ZNF18: variants seen among roughly 807,000 people sequenced by gnomAD.
ZNF18 encodes the protein zinc finger protein 18.
ZNF18 carries 42 observed loss-of-function variants against 58.1 expected under a neutral mutation model. That is an observed-to-expected ratio of 0.72 (90% confidence interval 0.56 to 0.93). The LOEUF (loss-of-function observed/expected upper bound fraction) is 0.93, where lower values mean the gene tolerates loss of function less well. Ranked by LOEUF, ZNF18 falls within the 40% of genes least tolerant of loss-of-function variation. The pLI, the probability that ZNF18 is intolerant of heterozygous loss-of-function variation, is 0.00. For synonymous variants in ZNF18, 231 were observed against 239.8 expected, an observed-to-expected ratio of 0.96 and a Z score of 0.34; for missense variants, 540 against 644.2, an observed-to-expected ratio of 0.84 and a Z score of 1.75.
chr17:12,010,509 G>A, the ZNF18 span, among the ~76,000 whole-genome samples: 2 of 151,746 alleles, frequency 1.3e-5, no homozygotes, highest in Non-Finnish European at 2.9e-5. Flanking sequence ...TCTGTCTCCC[G>A]GGTTCAAGAG....
Position 11,992,466 on chromosome 17 carries a change from C to A in ZNF18, c.364G>T (p.Asp122Tyr). 6.2e-7 allele frequency: 1 copy of A among 1,614,040 alleles called. No individual in the cohort carries two copies. Among genetic ancestry groups the A allele is most frequent in the Non-Finnish European group, 8.5e-7 (1 of 1,179,958 alleles). Residue 122 changes from aspartate to tyrosine, a missense_variant, in exon 2 of 7, where the codon GAC (aspartate) becomes TAC (tyrosine). By Grantham distance (160) the Asp-to-Tyr change is radical. Transcript: ENST00000580306. ...AVTLVESLKGDPQRLWQWISI... is the reference protein window; with the variant it reads ...AVTLVESLKGYPQRLWQWISI... ...ACCCATTGCCACAGTCTCTGGGGGT[C>A]CCCCTTCAAGCTTTCCACAAGGGTC...
the ZNF18 span, among the ~76,000 whole-genome samples, chr17:12,014,817 G>A: frequency 3.6e-4 from 55 of 152,174 alleles, no homozygotes; most frequent in African/African-American, 1.2e-3. Context: ...TTGGGAGGCC[G>A]AGGCAGGCGG....
chr17:11,997,617 A>G (rs9898037), upstream of ZNF18: 150,458 of 152,360 alleles, frequency 0.99, 74,306 homozygotes, highest in East Asian at 1. Context: ...AGGAGCCTCC[A>G]CCGACATGGC....
chr17:11,995,784 G>T (rs1968437301), intron 1 of ZNF18: 1 of 151,788 alleles, frequency 6.6e-6, no homozygotes, highest in Non-Finnish European at 1.5e-5. Context: ...AAGAACTGCA[G>T]AGTATACATT....
chr17:11,990,905 A>T (rs1039275961), intron 3 of ZNF18, 69 bp downstream of exon 3: 23 of 1,507,390 alleles, frequency 1.5e-5, no homozygotes, highest in Non-Finnish European at 5.4e-6. Context: ...TACCATTTCA[A>T]CTCACTTAGG....
chr17:12,009,633 G>T, the ZNF18 span, among the ~76,000 whole-genome samples: 1 of 151,534 alleles, frequency 6.6e-6, no homozygotes, highest in Admixed American at 6.6e-5. Flanking sequence ...TTGTATTCTT[G>T]GTAGAGACAA....
Position 11,978,268 on chromosome 17 carries a change from G to T in ZNF18, c.1339C>A (p.Arg447=). Residue 447 remains arginine, a synonymous_variant, in exon 7 of 7, where the codon CGG becomes AGG. Coordinates refer to ENST00000580306, the MANE Select transcript of ZNF18 (RefSeq NM_001303281.2). ...QCTICKKAFL[R]SSDFVKHQRT... The stretch of plus-strand genomic sequence containing the variant: ...TGATGCTTCACAAAGTCTGAACTCC[G>T]CAGAAAGGCTTTTTTGCAGATGGTG... The T allele has an allele frequency of 6.2e-7, 1 of 1,609,038 alleles. No individual in the cohort carries two copies. Among genetic ancestry groups the T allele is most frequent in the Non-Finnish European group, 8.5e-7 (1 of 1,178,216 alleles).
At chr17:11,983,147 A>C in intron 6 of ZNF18, 150 bp downstream of exon 6, 1 of 581,410 alleles carries the variant, frequency 1.7e-6, no homozygotes, top group Non-Finnish European at 3.1e-6. Context: ...CAATCTCAAT[A>C]GTTAAATCAA....
At position 11,984,463 on chromosome 17, in the gene ZNF18, G is replaced by A. The variant is rs57343002; in HGVS notation, c.667-266C>T. ...ACCTCTTCAGGTGAATTATTTAAAA[G>A]TGGAGAACGTATAGAGGGCAGGAGC... On this transcript the variant is annotated intron_variant, in intron 4 of 6. Transcript: ENST00000580306. Among the ~76,000 whole-genome samples, 1,019 of 151,838 alleles carry A rather than the reference G, an allele frequency of 6.7e-3. 11 individuals are homozygous for A. Among genetic ancestry groups the A allele is most frequent in the East Asian group, 0.045 (233 of 5,164 alleles).
chr17:12,001,688 G>C (rs916462281), upstream of ZNF18, among the ~76,000 whole-genome samples: 7 of 152,138 alleles, frequency 4.6e-5, no homozygotes, highest in African/African-American at 1.4e-4. Context: ...TAAAAGAGTA[G>C]ATCTTAAATG....
the ZNF18 span, among the ~76,000 whole-genome samples, chr17:12,011,449 G>A: frequency 1.7e-4 from 26 of 151,760 alleles, no homozygotes; most frequent in Admixed American, 5.9e-4. Context: ...GCAGTGGTGC[G>A]ATCTCAGCTC....
At chr17:12,010,042 G>A in the ZNF18 span, among the ~76,000 whole-genome samples, 2 of 152,070 alleles carry the variant, frequency 1.3e-5, no homozygotes, top group East Asian at 1.9e-4. Flanking sequence ...CAAAACAGGG[G>A]TGAAAGCTTT....
chr17:11,986,175 G>A (rs769886785), intron 4 of ZNF18, among the ~76,000 whole-genome samples: 3 of 152,310 alleles, frequency 2.0e-5, no homozygotes, highest in East Asian at 1.9e-4. Flanking sequence ...TTTGCCTGCC[G>A]CCATCCTTGA....
upstream of ZNF18, among the ~76,000 whole-genome samples, chr17:11,999,724 A>G (rs1968624244): frequency 6.6e-6 from 1 of 152,224 alleles, no homozygotes; most frequent in South Asian, 2.1e-4. Context: ...AAATAAGTGC[A>G]CAAGTGGTAA....
At chr17:11,997,017 C>G (rs1968511045) in intron 1 of ZNF18, 1 of 152,318 alleles carries the variant, frequency 6.6e-6, no homozygotes, top group East Asian at 1.9e-4. Flanking sequence ...CTCCACCATG[C>G]GCCCCCCAAA....
chr17:12,005,619 A>T, the ZNF18 span, among the ~76,000 whole-genome samples: 1 of 152,280 alleles, frequency 6.6e-6, no homozygotes, highest in East Asian at 1.9e-4. Flanking sequence ...AACCATTATA[A>T]CTAAGTGTCA....
In ZNF18 at chr17:11,978,435, C is replaced by T. The variant is rs199778478; in HGVS notation, c.1172G>A (p.Arg391Lys). The T allele has an allele frequency of 9.6e-6, 15 of 1,556,336 alleles. No homozygotes were observed. Among genetic ancestry groups the T allele is most frequent in the Non-Finnish European group, 1.3e-5 (15 of 1,154,422 alleles). Residue 391 changes from arginine (R) to lysine (K), a missense_variant, in exon 7 of 7, where the codon AGA (arginine) becomes AAA (lysine). By Grantham distance (26) the Arg-to-Lys change is conservative (BLOSUM62 2). Coordinates refer to ENST00000580306, the MANE Select transcript of ZNF18 (RefSeq NM_001303281.2). ...EMSTMWLEEK[R>K]ETSQKGQPRA... ...TGGCTGCCCCTTCTGGGAGGTCTCT[C>T]TCTTCTCCTCAAGCCACATGGTGGA...
rs781530277 is a variant in ZNF18 at position 11,992,713 on chromosome 17, G to C, written c.117C>G (p.Thr39=). 1 of 1,614,116 alleles carries C rather than the reference G, an allele frequency of 6.2e-7. No homozygotes were observed. Among genetic ancestry groups the C allele is most frequent in the Non-Finnish European group, 8.5e-7 (1 of 1,180,058 alleles). ...GGAACTGCCTGAAAAGCTGGCGTGCGGTCTCAGGGCTGGAGAGTTCCTCTT... is the reference window on the plus strand; with the variant it reads ...GGAACTGCCTGAAAAGCTGGCGTGCCGTCTCAGGGCTGGAGAGTTCCTCTT... ...ALQEELSSPE[T]ARQLFRQFRY... The change falls in exon 2 of 7, where the codon ACC becomes ACG. Residue 39 remains threonine (T), a synonymous_variant. Transcript: ENST00000580306.
At chr17:12,014,724 G>A in the ZNF18 span, among the ~76,000 whole-genome samples, 14 of 152,228 alleles carry the variant, frequency 9.2e-5, no homozygotes, top group African/African-American at 2.6e-4. Flanking sequence ...AAATTTGATC[G>A]TTGTGATGGT....
Sources: allele counts gnomAD v4.1 joint callset (sites outside exome capture counted in the v4.1 genomes callset), GRCh38; gene constraint gnomAD v4.1.1; transcripts MANE v1.5; gene names NCBI Gene and HGNC (gene_info 2026-07-23, HGNC 2026-07-21).